MTX2: variants seen among roughly 807,000 people sequenced by gnomAD.
MTX2 encodes the protein metaxin-2.
A neutral mutation model predicts 42.3 loss-of-function variants in MTX2; 35 were observed. The ratio of observed to expected loss-of-function variants is 0.83; its 90% CI spans 0.63 to 1.10. The LOEUF (loss-of-function observed/expected upper bound fraction) is 1.10, where lower values mean the gene tolerates loss of function less well. Among genes scored for constraint, MTX2 ranks in the 50% least tolerant of loss-of-function variants. MTX2 has a pLI of 0.00. For synonymous variants in MTX2, 119 were observed against 100.9 expected (o/e 1.18, Z -1.08); for missense variants, 307 against 304.1 (o/e 1.01, Z -0.07).
At chr2:176,271,918 T>C (rs938952054) in intron 1 of MTX2, among the ~76,000 whole-genome samples, 3 of 152,188 alleles carry the variant, frequency 2.0e-5, no homozygotes, top group African/African-American at 7.2e-5. Flanking sequence ...TCCAAAGGAA[T>C]TGAAATTGTC....
intron 1 of MTX2, among the ~76,000 whole-genome samples, chr2:176,291,520 G>C (rs1297737794): frequency 6.6e-6 from 1 of 152,164 alleles, no homozygotes; most frequent in Admixed American, 6.5e-5. Flanking sequence ...TAAAAATACA[G>C]ACGGGGAGTG....
At position 176,331,573 on chromosome 2, in the gene MTX2, T is replaced by A. The variant is rs186928327; in HGVS notation, c.620+913T>A. Among the ~76,000 whole-genome samples, 432 of 151,268 alleles carry A rather than the reference T, an allele frequency of 2.9e-3. 2 individuals carry two copies. The highest frequency in any genetic ancestry group is 1.7e-3 in the East Asian group (9 of 5,184). On this transcript the variant is annotated intron_variant, in intron 9 of 9. Coordinates refer to ENST00000249442, the MANE Select transcript of MTX2 (RefSeq NM_006554.5). ...GATGATAGTTTGGAAATATTTAAGT[T>A]ATATTAATCTATAACACAAGTAATA...
intron 1 of MTX2, among the ~76,000 whole-genome samples, chr2:176,276,174 A>G (rs1384891748): frequency 6.6e-6 from 1 of 152,260 alleles, no homozygotes; most frequent in Non-Finnish European, 1.5e-5. Context: ...ATCTACATAC[A>G]GTTATTGCAG....
At chr2:176,335,021 C>G (rs1485190952) in intron 9 of MTX2, among the ~76,000 whole-genome samples, 1 of 149,372 alleles carries the variant, frequency 6.7e-6, no homozygotes, top group East Asian at 2.0e-4. Flanking sequence ...ACAGGACTTT[C>G]TGGTAGAGGA....
chr2:176,329,740 A>C (rs1684809055), intron 8 of MTX2, among the ~76,000 whole-genome samples: 1 of 148,872 alleles, frequency 6.7e-6, no homozygotes, highest in Non-Finnish European at 1.5e-5. Context: ...AAATGGGATC[A>C]TTATGCCTGC....
intron 3 of MTX2, among the ~76,000 whole-genome samples, chr2:176,309,585 G>T (rs2105425844): frequency 6.6e-6 from 1 of 152,182 alleles, no homozygotes; most frequent in Non-Finnish European, 1.5e-5. Flanking sequence ...CTTGTATTGG[G>T]TGCATATATA....
chr2:176,275,554 A>G (rs981474192), intron 1 of MTX2, among the ~76,000 whole-genome samples: 7 of 152,146 alleles, frequency 4.6e-5, no homozygotes, highest in Non-Finnish European at 4.4e-5. Flanking sequence ...TTTTAAAAGG[A>G]TAAAAATAGA....
At chr2:176,322,105 G>A (rs1314538525) in intron 3 of MTX2, among the ~76,000 whole-genome samples, 3 of 152,112 alleles carry the variant, frequency 2.0e-5, no homozygotes, top group African/African-American at 7.2e-5. Flanking sequence ...CAATTAGTGG[G>A]GGAATCAGAC....
At chr2:176,317,569 A>G (rs902097140) in intron 3 of MTX2, among the ~76,000 whole-genome samples, 1 of 152,024 alleles carries the variant, frequency 6.6e-6, no homozygotes, top group Non-Finnish European at 1.5e-5. Flanking sequence ...GATTGATTAT[A>G]TATTGAGAGG....
intron 3 of MTX2, among the ~76,000 whole-genome samples, chr2:176,321,405 A>C (rs1684580241): frequency 1.3e-5 from 2 of 152,152 alleles, no homozygotes; most frequent in South Asian, 4.1e-4. Context: ...TGGTGTTTAA[A>C]CTTAGAAATC....
intron 3 of MTX2, among the ~76,000 whole-genome samples, chr2:176,321,690 C>T (rs561604520): frequency 6.6e-6 from 1 of 152,276 alleles, no homozygotes; most frequent in South Asian, 2.1e-4. Flanking sequence ...GATACTTTCT[C>T]CTTTTAAAGA....
chr2:176,337,005 C>G (rs1010756151), intron 9 of MTX2, among the ~76,000 whole-genome samples: 2 of 152,046 alleles, frequency 1.3e-5, no homozygotes, highest in African/African-American at 4.8e-5. Context: ...AAAAATGGTG[C>G]AGTGTTTGCA....
chr2:176,293,591 TCTCTTGCTCCTG>T (rs888735695), intron 1 of MTX2, among the ~76,000 whole-genome samples: 53 of 152,190 alleles, frequency 3.5e-4, no homozygotes, highest in African/African-American at 1.1e-3. Flanking sequence ...CTCCCCCCCT[TCTCTTGCTCCTG>T]CTCTTGCTGT....
At chr2:176,319,792 T>C (rs932015539) in intron 3 of MTX2, among the ~76,000 whole-genome samples, 1 of 152,030 alleles carries the variant, frequency 6.6e-6, no homozygotes, top group South Asian at 2.1e-4. Flanking sequence ...GCCAGGCTGG[T>C]CTCAAACTCC....
intron 1 of MTX2, among the ~76,000 whole-genome samples, chr2:176,269,976 TG>T (rs1257656671): frequency 6.6e-6 from 1 of 151,732 alleles, no homozygotes; most frequent in Non-Finnish European, 1.5e-5. Context: ...GGGATTGAGG[TG>T]GGGGGCGTTA....
intron 4 of MTX2, among the ~76,000 whole-genome samples, chr2:176,325,203 GCTTT>G (rs1211166109): frequency 6.6e-6 from 1 of 151,620 alleles, no homozygotes; most frequent in Non-Finnish European, 1.5e-5. Flanking sequence ...ACATATTCTT[GCTTT>G]CTTTAGAATA....
At chr2:176,321,737 T>C (rs1305281033) in intron 3 of MTX2, among the ~76,000 whole-genome samples, 2 of 152,262 alleles carry the variant, frequency 1.3e-5, no homozygotes, top group Non-Finnish European at 2.9e-5. Context: ...TTAGTCCAGT[T>C]GGCCATACCC....
chr2:176,317,569 A>C (rs902097140), intron 3 of MTX2, among the ~76,000 whole-genome samples: 1 of 152,024 alleles, frequency 6.6e-6, no homozygotes, highest in Non-Finnish European at 1.5e-5. Flanking sequence ...GATTGATTAT[A>C]TATTGAGAGG....
chr2:176,288,929 G>A (rs969827155), intron 1 of MTX2, among the ~76,000 whole-genome samples: 3 of 151,720 alleles, frequency 2.0e-5, no homozygotes, highest in African/African-American at 7.3e-5. Flanking sequence ...TTAGGTCATA[G>A]CACTTTCATA....
Sources: gnomAD v4.1 joint callset for allele counts (sites outside exome capture counted in the v4.1 genomes callset) on GRCh38, gnomAD v4.1.1 for gene constraint, MANE v1.5 for transcripts, NCBI Gene and HGNC (gene_info 2026-07-23, HGNC 2026-07-21) for gene names.